SPAG16: variants seen among roughly 807,000 people sequenced by gnomAD.
SPAG16 encodes the protein sperm-associated antigen 16 protein.
Under a neutral mutation model 80.4 loss-of-function variants are expected in SPAG16, and 86 were observed. That is an observed-to-expected ratio of 1.07 (90% CI 0.90 to 1.28). SPAG16 has a LOEUF of 1.28. Ranked by LOEUF, SPAG16 falls within the 50% of genes most tolerant of loss-of-function variation. The probability of loss-of-function intolerance (pLI) is 0.00; values close to 1 mark genes in which losing one functional copy is unlikely to be tolerated. For missense variants in SPAG16, 870 were observed against 765.3 expected (o/e 1.14, Z -1.61); for synonymous variants, 294 against 265.9 (o/e 1.11, Z -1.03).
At chr2:214,218,994 A>G (rs2058498923) in intron 15 of SPAG16, among the ~76,000 whole-genome samples, 1 of 152,198 alleles carries the variant, frequency 6.6e-6, no homozygotes, top group South Asian at 2.1e-4. Flanking sequence ...TCCAACTACT[A>G]TTCTTGGAAA....
intron 10 of SPAG16, among the ~76,000 whole-genome samples, chr2:213,597,367 T>G (rs2124953657): frequency 6.6e-6 from 1 of 152,278 alleles, no homozygotes; most frequent in South Asian, 2.1e-4. Context: ...AATATATATT[T>G]TTATGACTTC....
chr2:213,686,937 C>A (rs1574812704), intron 10 of SPAG16, among the ~76,000 whole-genome samples: 1 of 152,018 alleles, frequency 6.6e-6, no homozygotes, highest in East Asian at 1.9e-4. Context: ...CCCACCTCGG[C>A]CTCCCAAAGT....
At chr2:213,993,136 G>A (rs2046362178) in intron 12 of SPAG16, among the ~76,000 whole-genome samples, 2 of 152,186 alleles carry the variant, frequency 1.3e-5, no homozygotes, top group African/African-American at 4.8e-5. Context: ...GAAACTAAGA[G>A]ACAGCTTACA....
At chr2:213,470,601 C>T (rs887673381) in intron 9 of SPAG16, among the ~76,000 whole-genome samples, 4 of 152,194 alleles carry the variant, frequency 2.6e-5, no homozygotes, top group African/African-American at 9.7e-5. Context: ...AAATTGGGCA[C>T]TCAGCAGTGC....
At chr2:213,340,358 A>T in intron 6 of SPAG16, 88 bp downstream of exon 6, 1 of 929,114 alleles carries the variant, frequency 1.1e-6, no homozygotes, top group Non-Finnish European at 1.7e-6. Context: ...AGACAAAGTT[A>T]TTAATTCCAC....
chr2:213,930,112 T>C lies in SPAG16; in HGVS notation c.1367T>C (p.Leu456Pro), dbSNP rs754566214. ...GGCAATTTTGTGGCTTCCTCCTCACTGGATAAAACTAGCAAAATTTGGGAT... is the reference window on the plus strand; with the variant it reads ...GGCAATTTTGTGGCTTCCTCCTCACCGGATAAAACTAGCAAAATTTGGGAT... ...SCGNFVASSSLDKTSKIWDVN... is the reference protein window; with the variant it reads ...SCGNFVASSSPDKTSKIWDVN... Residue 456 changes from leucine (L) to proline (P), a missense_variant, in exon 12 of 16, where the codon CTG becomes CCG. By Grantham distance (98) the Leu-to-Pro change is moderately conservative (BLOSUM62 -3). Coordinates refer to ENST00000331683, the MANE Select transcript of SPAG16 (RefSeq NM_024532.5). 1.9e-6 allele frequency: 3 copies of C among 1,613,716 alleles called. No individual in the cohort carries two copies. Among genetic ancestry groups the C allele is most frequent in the Admixed American group, 3.3e-5 (2 of 59,948 alleles).
intron 10 of SPAG16, among the ~76,000 whole-genome samples, chr2:213,859,523 G>T (rs2075330718): frequency 6.6e-6 from 1 of 152,114 alleles, no homozygotes. Context: ...ATGACTAAAT[G>T]ACTTAAGCAT....
rs543866534 is a variant in SPAG16, at chr2:214,054,158, C to T, written c.1527+40081C>T. Among the ~76,000 whole-genome samples, 8 of 152,088 alleles carry T rather than the reference C, an allele frequency of 5.3e-5. No individual in the cohort carries two copies. The East Asian group carries it at 7.8e-4, about 15-fold the overall frequency. ...TGAAGTAGCTGGGATTACAGGTGCC[C>T]GCCCCCATACCCGGCTAATTTTTGT... is the stretch of plus-strand genomic sequence containing the variant. On this transcript the variant is annotated intron_variant, in intron 13 of 15. Transcript: ENST00000331683.
chr2:213,388,524 G>A (rs927638618), intron 9 of SPAG16, among the ~76,000 whole-genome samples: 6 of 152,138 alleles, frequency 3.9e-5, no homozygotes, highest in African/African-American at 1.4e-4. Flanking sequence ...TGAGAAAACA[G>A]TAAGGTTACT....
At chr2:213,334,163 C>T (rs1011535422) in intron 5 of SPAG16, among the ~76,000 whole-genome samples, 1 of 152,068 alleles carries the variant, frequency 6.6e-6, no homozygotes, top group Non-Finnish European at 1.5e-5. Context: ...TTTGAACAGA[C>T]TTTTCTCTAA....
chr2:213,962,211 T>C (rs1177679060), intron 12 of SPAG16, among the ~76,000 whole-genome samples: 2 of 151,502 alleles, frequency 1.3e-5, no homozygotes, highest in Non-Finnish European at 2.9e-5. Flanking sequence ...TTTTTTTTTT[T>C]GAGATGGAGT....
In SPAG16 at chr2:213,961,551, T is replaced by C. The variant is rs529519397; in HGVS notation, c.1400+31406T>C. 2.0e-5 allele frequency among the ~76,000 whole-genome samples: 3 copies of C among 152,022 alleles called. No individual in the cohort carries two copies. The South Asian group carries it at 6.2e-4, about 31-fold the overall frequency. On this transcript the variant is annotated intron_variant, in intron 12 of 15. Coordinates refer to ENST00000331683, the MANE Select transcript of SPAG16 (RefSeq NM_024532.5). ...ATTTTTTTTTTGTAGCTGCCTGCCT[T>C]TTATCAGATTAAGAAAGCTGTCTTC...
intron 15 of SPAG16, chr2:214,239,375 C>G (rs1266031712): frequency 1.3e-5 from 2 of 152,092 alleles, no homozygotes; most frequent in African/African-American, 2.4e-5. Flanking sequence ...TGTTGTTGTA[C>G]CACAGATCTC....
At chr2:213,634,213 C>G (rs1010932666) in intron 10 of SPAG16, among the ~76,000 whole-genome samples, 3 of 152,030 alleles carry the variant, frequency 2.0e-5, no homozygotes, top group African/African-American at 7.2e-5. Flanking sequence ...TACCCTGAGG[C>G]TTGCAAATAC....
chr2:214,207,137 G>A (rs2058167163), intron 15 of SPAG16, among the ~76,000 whole-genome samples: 1 of 152,090 alleles, frequency 6.6e-6, no homozygotes, highest in African/African-American at 2.4e-5. Flanking sequence ...GCACCTCCAG[G>A]CTAAAATATT....
At chr2:213,350,389 T>C (rs190695102) in intron 6 of SPAG16, 139 bp from the exon 7 acceptor site, 147 of 485,198 alleles carry the variant, frequency 3.0e-4, no homozygotes, top group East Asian at 9.6e-4. Context: ...TTCTTGGCTG[T>C]AGTGTGTTAA....
intron 13 of SPAG16, among the ~76,000 whole-genome samples, chr2:214,102,462 A>C (rs2053117991): frequency 6.6e-6 from 1 of 151,932 alleles, no homozygotes; most frequent in African/African-American, 2.4e-5. Context: ...CCCAATTGTA[A>C]GGTCCCGAAT....
At chr2:214,091,143 T>C (rs1371100450) in intron 13 of SPAG16, among the ~76,000 whole-genome samples, 13 of 152,138 alleles carry the variant, frequency 8.5e-5, no homozygotes, top group Non-Finnish European at 1.6e-4. Flanking sequence ...CCAGTGCTAA[T>C]TAACAACATG....
chr2:213,296,249 T>C, intron 2 of SPAG16, 139 bp downstream of exon 2: 8 of 585,542 alleles, frequency 1.4e-5, no homozygotes, highest in Admixed American at 3.0e-5. Context: ...ATTTAGCTAG[T>C]ATCAGCTGAT....
Sources: allele counts gnomAD v4.1 joint callset (sites outside exome capture counted in the v4.1 genomes callset), GRCh38; gene constraint gnomAD v4.1.1; transcripts MANE v1.5; gene names NCBI Gene and HGNC (gene_info 2026-07-23, HGNC 2026-07-21).